The following PKD1L1 variants were observed in gnomAD, a reference collection of about 807,000 sequenced individuals.
The protein encoded by PKD1L1 is polycystin-1-like protein 1.
In PKD1L1, 236 loss-of-function variants were observed where a neutral mutation model predicts 323.4. The ratio of observed to expected loss-of-function variants is 0.73; its 90% CI spans 0.66 to 0.81. The LOEUF (loss-of-function observed/expected upper bound fraction) is 0.81, where lower values mean the gene tolerates loss of function less well. PKD1L1 is among the 40% of genes least tolerant of loss of function. The probability of loss-of-function intolerance (pLI) is 0.00; values close to 1 mark genes in which losing one functional copy is unlikely to be tolerated. For missense variants in PKD1L1, 3,320 were observed against 3,508.0 expected (o/e 0.95, Z 1.35); for synonymous variants, 1,344 against 1,335.0 (o/e 1.01, Z -0.15).
intron 24 of PKD1L1, among the ~76,000 whole-genome samples, chr7:47,872,139 C>T (rs1473332760): frequency 6.6e-6 from 1 of 152,160 alleles, no homozygotes; most frequent in Non-Finnish European, 1.5e-5. Flanking sequence ...ATGAAAATCC[C>T]AGTTAGCTTT....
intron 4 of PKD1L1, 46 bp from the exon 5 acceptor site, chr7:47,932,102 T>TGG (rs1286980389): frequency 1.3e-6 from 2 of 1,575,694 alleles, no homozygotes; most frequent in Admixed American, 3.7e-5. Context: ...CCCGGTCATG[T>TGG]TTCAGTCACA....
At position 47,839,970 on chromosome 7, in the gene PKD1L1, C is replaced by T. The variant is rs1253389249; in HGVS notation, c.5553-308G>A. 6.6e-6 allele frequency among the ~76,000 whole-genome samples: 1 copy of T among 152,050 alleles called. No homozygotes were observed. The highest frequency in any genetic ancestry group is 2.4e-5 in the African/African-American group (1 of 41,434). On this transcript the variant is annotated intron_variant, in intron 35 of 56. Transcript: ENST00000289672. The surrounding 1 kb of genome is among the most constrained non-coding windows in gnomAD (Gnocchi z 4.3). ...TGGATTAGTCTAAAGTTAACCTTTT[C>T]TCTCTTAATGAAGACATAATACTCC...
chr7:47,824,161 C>T (rs772497135), intron 45 of PKD1L1, among the ~76,000 whole-genome samples: 2 of 152,146 alleles, frequency 1.3e-5, no homozygotes, highest in African/African-American at 2.4e-5. Context: ...TTTGGTGGAC[C>T]AAATCTAGGT....
At chr7:47,871,514 C>A (rs1386223079) in intron 24 of PKD1L1, among the ~76,000 whole-genome samples, 1 of 152,186 alleles carries the variant, frequency 6.6e-6, no homozygotes. Flanking sequence ...TATAAGGTGA[C>A]TAATTTCATT....
chr7:47,808,323 C>G lies in PKD1L1; in HGVS notation c.7751G>C (p.Gly2584Ala), dbSNP rs763091283. 1.9e-6 allele frequency: 3 copies of G among 1,614,132 alleles called. 1 individual carries two copies. The South Asian group carries it at 3.3e-5, about 18-fold the overall frequency. The change falls in exon 52 of 57, where the codon GGA becomes GCA. Residue 2584 changes from glycine (G) to alanine (A), a missense_variant. By Grantham distance (60) the Gly-to-Ala change is moderately conservative (BLOSUM62 0). Coordinates refer to ENST00000289672, the MANE Select transcript of PKD1L1 (RefSeq NM_138295.5). ...AVSGHLVTLAGDVTNQFHRGL... is the reference protein window; with the variant it reads ...AVSGHLVTLAADVTNQFHRGL... ...TCTGTGAAACTGGTTAGTGACATCT[C>G]CAGCAAGAGTAACAAGGTGGCCGGA...
chr7:47,943,166 ATATATATAT>A (rs1788030804), intron 2 of PKD1L1, among the ~76,000 whole-genome samples: 20 of 32,888 alleles, frequency 6.1e-4, no homozygotes, highest in East Asian at 2.8e-3. Context: ...AAAAAAAAAT[ATATATATAT>A]ATATATATAT....
chr7:47,906,009 T>C (rs1225571466), intron 9 of PKD1L1, 47 bp from the exon 10 acceptor site: 5 of 1,510,180 alleles, frequency 3.3e-6, no homozygotes, highest in Middle Eastern at 1.7e-4. Context: ...TTAAAATTAA[T>C]TCACTTTTAT....
chr7:47,794,708 T>A (rs1787033849), intron 55 of PKD1L1, among the ~76,000 whole-genome samples: 1 of 152,182 alleles, frequency 6.6e-6, no homozygotes, highest in South Asian at 2.1e-4. Context: ...AGACACTCAA[T>A]GCCAGCCCAT....
At chr7:47,803,538 G>C (rs867690873) in intron 52 of PKD1L1, among the ~76,000 whole-genome samples, 194 bp from the exon 53 acceptor site, 1 of 152,182 alleles carries the variant, frequency 6.6e-6, no homozygotes, top group Non-Finnish European at 1.5e-5. Flanking sequence ...AATACAAATC[G>C]TAACGCATTT....
chr7:47,890,092 A>G (rs982389352), intron 16 of PKD1L1, among the ~76,000 whole-genome samples: 5 of 152,096 alleles, frequency 3.3e-5, no homozygotes, highest in African/African-American at 9.7e-5. Flanking sequence ...TGCATCTTTC[A>G]TAGTCTCAGA....
In PKD1L1 at chr7:47,806,432, G is replaced by T. The variant is rs377478447; in HGVS notation, c.7827+1815C>A. 1.4e-4 allele frequency among the ~76,000 whole-genome samples: 22 copies of T among 152,316 alleles called. No homozygotes were observed. In the East Asian group the frequency reaches 1.7e-3, roughly 12 times the overall value. ...ACCATGCAAGACTACAGTTACATGG[G>T]TAAGCCAGAACTCAAATAGTAGGAA... On this transcript the variant is annotated intron_variant, in intron 52 of 56. Transcript: ENST00000289672.
intron 26 of PKD1L1, among the ~76,000 whole-genome samples, chr7:47,864,685 T>TCCCTC (rs1176008936): frequency 1.4e-4 from 5 of 36,090 alleles, no homozygotes; most frequent in African/African-American, 1.1e-4. Context: ...TTCCCCTCCC[T>TCCCTC]CCCTCCCCTC....
chr7:47,789,991 C>A (rs1470144294), intron 56 of PKD1L1, among the ~76,000 whole-genome samples: 2 of 151,976 alleles, frequency 1.3e-5, no homozygotes, highest in Non-Finnish European at 2.9e-5. Context: ...CAGGTTCAAG[C>A]AATTCTCTTG....
rs1371265539 is a variant in PKD1L1, at chr7:47,879,949, A to T, written c.3520+779T>A. On this transcript the variant is annotated intron_variant, in intron 21 of 56. Transcript: ENST00000289672. ...CCGTCTCAACAAAAAAATAAAAAAT[A>T]AAAAAAAAAATTAAGCCCACTGTGC... 7.5e-3 allele frequency among the ~76,000 whole-genome samples: 753 copies of T among 100,018 alleles called. 3 individuals are homozygous for T. The highest frequency in any genetic ancestry group is 0.02 in the Middle Eastern group (5 of 246). The allele number at this position is 100,018 out of a possible 152,430, so 65.6% of individuals were successfully genotyped here.
At chr7:47,881,822 A>G (rs1786559746) in intron 20 of PKD1L1, 87 bp downstream of exon 20, 4 of 1,346,104 alleles carry the variant, frequency 3.0e-6, no homozygotes, top group Non-Finnish European at 4.0e-6. Flanking sequence ...TATCTAGTAA[A>G]ACGAAAAGTT....
chr7:47,919,125 G>T (rs1787486895), intron 7 of PKD1L1, among the ~76,000 whole-genome samples: 1 of 152,060 alleles, frequency 6.6e-6, no homozygotes, highest in Non-Finnish European at 1.5e-5. Flanking sequence ...TGGACCATTA[G>T]CAAGATTAAC....
chr7:47,851,143 A>T (rs1430373205), intron 31 of PKD1L1, among the ~76,000 whole-genome samples: 1 of 152,212 alleles, frequency 6.6e-6, no homozygotes, highest in Non-Finnish European at 1.5e-5. Context: ...AGCAATGAGC[A>T]AATGTGATGC....
At chr7:47,845,879 C>T (rs990417008) in intron 32 of PKD1L1, among the ~76,000 whole-genome samples, 1 of 152,044 alleles carries the variant, frequency 6.6e-6, no homozygotes, top group Admixed American at 6.6e-5. Flanking sequence ...CCACGCCTGG[C>T]CTGTTATTCA....
At chr7:47,843,217 CA>C in intron 33 of PKD1L1, 48 bp from the exon 34 acceptor site, 8 of 1,457,538 alleles carry the variant, frequency 5.5e-6, no homozygotes, top group Non-Finnish European at 7.5e-6. Flanking sequence ...TGAAAATAGA[CA>C]TATAGGAAAA....
Sources: allele counts gnomAD v4.1 joint callset (sites outside exome capture counted in the v4.1 genomes callset), GRCh38; gene constraint gnomAD v4.1.1; non-coding constraint Gnocchi (gnomAD v3.1); transcripts MANE v1.5; gene names NCBI Gene and HGNC (gene_info 2026-07-23, HGNC 2026-07-21).